VSIG1: variants seen among roughly 807,000 people sequenced by gnomAD.
VSIG1 encodes V-set and immunoglobulin domain-containing protein 1.
Under a neutral mutation model 20.1 loss-of-function variants are expected in VSIG1, and 11 were observed. That is an observed-to-expected ratio of 0.55 (90% CI 0.34 to 0.91). VSIG1 has a LOEUF of 0.91. Ranked by LOEUF, VSIG1 falls within the 40% of genes least tolerant of loss-of-function variation. The pLI is 0.02. For missense variants in VSIG1, 283 were observed against 298.8 expected, an observed-to-expected ratio of 0.95 and a Z score of 0.39; for synonymous variants, 126 against 116.7, an observed-to-expected ratio of 1.08 and a Z score of -0.52.
intron 3 of VSIG1, 141 bp downstream of exon 3, chrX:108,067,275 C>A: frequency 1.5e-6 from 1 of 645,879 alleles, no homozygotes; most frequent in Non-Finnish European, 2.3e-6. Flanking sequence ...GAAATAGAGA[C>A]AAGCCACCAG....
chrX:108,055,673 T>C (rs189009794), intron 1 of VSIG1, among the ~76,000 whole-genome samples: 123 of 106,441 alleles, frequency 1.2e-3, no homozygotes, highest in African/African-American at 3.7e-3. Context: ...AAGCATTCAG[T>C]GTAATCCACC....
the VSIG1 span, among the ~76,000 whole-genome samples, chrX:108,036,639 C>T: frequency 1.8e-5 from 2 of 111,975 alleles, no homozygotes; most frequent in African/African-American, 6.5e-5. Flanking sequence ...CTGCATGGTT[C>T]TTCCCTCTAA....
the VSIG1 span, among the ~76,000 whole-genome samples, chrX:108,038,304 T>C: frequency 9.0e-6 from 1 of 111,003 alleles, no homozygotes. Flanking sequence ...CCTGTGTCCA[T>C]GTGTTCTCAT....
chrX:108,053,906 A>AT (rs2030839756), intron 1 of VSIG1, among the ~76,000 whole-genome samples: 1 of 111,259 alleles, frequency 9.0e-6, no homozygotes, highest in Non-Finnish European at 1.9e-5. Flanking sequence ...ATGGGGGAAA[A>AT]ATATATATAG....
intron 2 of VSIG1, among the ~76,000 whole-genome samples, chrX:108,060,904 C>A (rs940098670): frequency 4.5e-5 from 5 of 112,178 alleles, no homozygotes; most frequent in Non-Finnish European, 7.5e-5. Context: ...TCCCTCCATA[C>A]CCCTGGTGAT....
At chrX:108,052,199 A>G (rs1230490448) in intron 1 of VSIG1, among the ~76,000 whole-genome samples, 1 of 111,610 alleles carries the variant, frequency 9.0e-6, no homozygotes, top group Non-Finnish European at 1.9e-5. Context: ...AGAAATCACC[A>G]CTAATGAACT....
intron 1 of VSIG1, among the ~76,000 whole-genome samples, chrX:108,048,048 G>A (rs368411131): frequency 7.9e-5 from 7 of 88,310 alleles, no homozygotes; most frequent in South Asian, 1.2e-3. Flanking sequence ...TTGTTGCCCA[G>A]GCTGGAGTGC....
At chrX:108,064,080 TTG>T (rs2031082232) in intron 2 of VSIG1, among the ~76,000 whole-genome samples, 1 of 112,514 alleles carries the variant, frequency 8.9e-6, no homozygotes, top group African/African-American at 3.2e-5. Context: ...TGGAATCAAG[TTG>T]TAGCCCTTCC....
Position 108,045,259 on chromosome X carries a change from A to G in VSIG1, c.49+80A>G, listed in dbSNP as rs766366540. 28 of 847,482 alleles carry G rather than the reference A, an allele frequency of 3.3e-5. 1 individual carries two copies. In the African/African-American group the frequency reaches 4.9e-4, roughly 15 times the overall value. 69.8% of individuals were successfully genotyped at this position (847,482 alleles called of 1,213,427 possible). A position where few individuals can be genotyped will look rare whatever the true frequency, so the allele number is the denominator to read the frequency against. ...AAATAAAAATTCCACATTTTTACATAGAATTTTCATCTCCTGTACTTCAAA... is the reference window on the plus strand; with the variant it reads ...AAATAAAAATTCCACATTTTTACATGGAATTTTCATCTCCTGTACTTCAAA... On this transcript the variant is annotated intron_variant, in intron 1 of 6. Transcript: ENST00000217957.
At chrX:108,058,976 GTGTT>G (rs1303984791) in intron 2 of VSIG1, among the ~76,000 whole-genome samples, 3 of 111,688 alleles carry the variant, frequency 2.7e-5, no homozygotes, top group African/African-American at 6.5e-5. Flanking sequence ...GTGCGTGTGT[GTGTT>G]TGTGTGTTCA....
chrX:108,027,501 G>A, the VSIG1 span, among the ~76,000 whole-genome samples: 6,352 of 111,534 alleles, frequency 0.057, 183 homozygotes, highest in Middle Eastern at 0.22. Flanking sequence ...GTTGCCAGGT[G>A]GAGAATAATG....
At chrX:108,063,646 G>A (rs2147928591) in intron 2 of VSIG1, among the ~76,000 whole-genome samples, 1 of 111,087 alleles carries the variant, frequency 9.0e-6, no homozygotes, top group East Asian at 2.8e-4. Context: ...TCGGGCTCCT[G>A]AAGGCCCCTT....
Position 108,077,176 on chromosome X carries a change from A to G in VSIG1, c.959A>G (p.Tyr320Cys), listed in dbSNP as rs1351398692. 1.7e-6 allele frequency: 2 copies of G among 1,212,068 alleles called. No homozygotes were observed. Among genetic ancestry groups the G allele is most frequent in the East Asian group, 3.0e-5 (1 of 33,847 alleles). Residue 320 changes from tyrosine to cysteine, a missense_variant, in exon 7 of 7, where the codon TAT becomes TGT. Coordinates refer to ENST00000217957, the MANE Select transcript of VSIG1 (RefSeq NM_182607.5). ...TGPDTIQEPDYEPKPTQEPAP... is the reference protein window; with the variant it reads ...TGPDTIQEPDCEPKPTQEPAP... ...CCTGATACCATCCAAGAACCAGACT[A>G]TGAGCCAAAGCCTACTCAGGAGCCT...
chrX:108,076,995 T>G, intron 6 of VSIG1, 53 bp from the exon 7 acceptor site: 6 of 1,109,266 alleles, frequency 5.4e-6, no homozygotes, highest in Non-Finnish European at 7.3e-6. Flanking sequence ...CACATGAAAT[T>G]TCAAAGTTAG....
chrX:108,077,370 G>A lies in VSIG1; in HGVS notation c.1153G>A (p.Val385Ile), dbSNP rs1443048976. The A allele has an allele frequency of 8.3e-7, 1 of 1,211,015 alleles. No individual in the cohort carries two copies. Among genetic ancestry groups the A allele is most frequent in the African/African-American group, 1.7e-5 (1 of 57,872 alleles). Residue 385 changes from valine to isoleucine, a missense_variant, in exon 7 of 7, where the codon GTT becomes ATT. Transcript: ENST00000217957. ...CTTAAGTGAAGATGAAAAGGGAGTGGTTAAGGCATAGGCTGGTGGCCTAAG... is the reference window on the plus strand; with the variant it reads ...CTTAAGTGAAGATGAAAAGGGAGTGATTAAGGCATAGGCTGGTGGCCTAAG... ...EPLSEDEKGV[V>I]KA
chrX:108,050,337 T>C (rs1186151231), intron 1 of VSIG1, among the ~76,000 whole-genome samples: 1 of 111,628 alleles, frequency 9.0e-6, no homozygotes, highest in Non-Finnish European at 1.9e-5. Context: ...TTTCATAATT[T>C]CTGTATCCTC....
rs2031374905 is a variant in VSIG1 at position 108,077,455 on chromosome X, A to G, written c.*74A>G. ...ATTTGGAATTCAAATAACCTAACCAACCTCCACCTCCTCCTTCCATTTTGA... is the reference window on the plus strand; with the variant it reads ...ATTTGGAATTCAAATAACCTAACCAGCCTCCACCTCCTCCTTCCATTTTGA... On this transcript the variant is annotated 3_prime_UTR_variant, in exon 7 of 7. Coordinates refer to ENST00000217957, the MANE Select transcript of VSIG1 (RefSeq NM_182607.5). The G allele has an allele frequency of 3.8e-6, 4 of 1,061,140 alleles. No homozygotes were observed. The Admixed American group carries it at 8.4e-5, about 22-fold the overall frequency. The allele number at this position is 1,061,140 out of a possible 1,213,427, so 87.4% of individuals were successfully genotyped here. A position where few individuals can be genotyped will look rare whatever the true frequency, so the allele number is the denominator to read the frequency against.
upstream of VSIG1, among the ~76,000 whole-genome samples, chrX:108,041,586 T>G (rs866980620): frequency 1.0e-5 from 1 of 98,851 alleles, no homozygotes; most frequent in African/African-American, 3.7e-5. Flanking sequence ...GTGTGTGTGT[T>G]TGTGCATGTG....
intron 1 of VSIG1, among the ~76,000 whole-genome samples, chrX:108,050,345 C>G (rs933700121): frequency 2.7e-5 from 3 of 111,533 alleles, no homozygotes; most frequent in African/African-American, 9.8e-5. Flanking sequence ...TTTCTGTATC[C>G]TCATCCCTTC....
Sources: gnomAD v4.1 joint callset for allele counts (sites outside exome capture counted in the v4.1 genomes callset) on GRCh38, gnomAD v4.1.1 for gene constraint, MANE v1.5 for transcripts, NCBI Gene and HGNC (gene_info 2026-07-23, HGNC 2026-07-21) for gene names.